The following FHIT variants were observed in gnomAD, a reference collection of about 807,000 sequenced individuals.
FHIT encodes bis(5'-adenosyl)-triphosphatase.
FHIT carries 19 observed loss-of-function variants against 17.9 expected under a neutral mutation model. The ratio of observed to expected loss-of-function variants is 1.06; its 90% CI spans 0.74 to 1.56. FHIT has a LOEUF of 1.56. FHIT is among the 40% of genes most tolerant of loss of function. FHIT has a pLI of 0.00. For synonymous variants in FHIT, 81 were observed against 69.7 expected (o/e 1.16, Z -0.81); for missense variants, 248 against 189.2 (o/e 1.31, Z -1.82).
intron 5 of FHIT, among the ~76,000 whole-genome samples, chr3:60,211,878 C>A (rs143041028): frequency 2.4e-3 from 369 of 152,196 alleles, no homozygotes; most frequent in Non-Finnish European, 4.2e-3. Context: ...GTCATGACAT[C>A]TTTTTAATGT....
chr3:60,605,490 A>C (rs940517861), intron 4 of FHIT, among the ~76,000 whole-genome samples: 1 of 152,178 alleles, frequency 6.6e-6, no homozygotes, highest in African/African-American at 2.4e-5. Context: ...CAGTTTCAGA[A>C]GGCACCAGTT....
At chr3:61,009,173 G>C (rs2031646063) in intron 3 of FHIT, among the ~76,000 whole-genome samples, 1 of 152,148 alleles carries the variant, frequency 6.6e-6, no homozygotes. Flanking sequence ...AGAAGCAATA[G>C]ACTGGGTCCC....
chr3:60,913,808 C>G (rs782208043), intron 3 of FHIT, among the ~76,000 whole-genome samples: 4 of 152,122 alleles, frequency 2.6e-5, no homozygotes, highest in African/African-American at 4.8e-5. Context: ...GGGCCTCTCT[C>G]CATGTCTTTG....
intron 3 of FHIT, among the ~76,000 whole-genome samples, chr3:60,889,328 C>T (rs190148355): frequency 8.5e-5 from 13 of 152,338 alleles, no homozygotes; most frequent in African/African-American, 2.2e-4. Flanking sequence ...TCCAAGTGTG[C>T]GCTCACCATT....
At chr3:60,356,524 C>A (rs184319876) in intron 5 of FHIT, among the ~76,000 whole-genome samples, 1 of 152,200 alleles carries the variant, frequency 6.6e-6, no homozygotes, top group Admixed American at 6.5e-5. Flanking sequence ...TGTCCTGCCA[C>A]TCCATTCTAA....
intron 4 of FHIT, among the ~76,000 whole-genome samples, chr3:60,787,678 G>A (rs1419561712): frequency 2.6e-5 from 4 of 152,162 alleles, no homozygotes; most frequent in Non-Finnish European, 4.4e-5. Flanking sequence ...TCAATAAAAT[G>A]CATTTGTAAC....
chr3:60,163,916 G>T (rs939100287), intron 5 of FHIT, among the ~76,000 whole-genome samples: 5 of 152,140 alleles, frequency 3.3e-5, no homozygotes, highest in Admixed American at 6.5e-5. Context: ...CCAGAGCACA[G>T]GATGTGCTTC....
At chr3:60,129,744 T>C (rs920202642) in intron 5 of FHIT, among the ~76,000 whole-genome samples, 1 of 152,232 alleles carries the variant, frequency 6.6e-6, no homozygotes, top group Non-Finnish European at 1.5e-5. Context: ...GTTAAGGAGA[T>C]ATAAAACCCT....
intron 3 of FHIT, among the ~76,000 whole-genome samples, chr3:60,862,420 G>A (rs542790660): frequency 6.6e-6 from 1 of 152,132 alleles, no homozygotes; most frequent in African/African-American, 2.4e-5. Flanking sequence ...CTCTTGCCTA[G>A]GCCTCCCAAA....
chr3:59,810,401 C>T (rs1391827966), intron 8 of FHIT, among the ~76,000 whole-genome samples: 2 of 152,172 alleles, frequency 1.3e-5, no homozygotes, highest in Non-Finnish European at 2.9e-5. Flanking sequence ...AAGGGCAGCT[C>T]CTCAGAGTGA....
At chr3:59,794,889 G>A (rs539649348) in intron 8 of FHIT, among the ~76,000 whole-genome samples, 7 of 152,254 alleles carry the variant, frequency 4.6e-5, no homozygotes, top group African/African-American at 1.4e-4. Context: ...TATAGACTCT[G>A]CAGTTAAACC....
chr3:60,553,635 C>T (rs2036645807), intron 4 of FHIT, among the ~76,000 whole-genome samples: 1 of 150,180 alleles, frequency 6.7e-6, no homozygotes, highest in Non-Finnish European at 1.5e-5. Context: ...TATGCTTCAA[C>T]CTGACCTTGA....
Position 60,044,581 on chromosome 3 carries a change from TGA to T in FHIT, c.104-30431_104-30430del, listed in dbSNP as rs1553662240. Among the ~76,000 whole-genome samples, 1,314 of 152,122 alleles carry T rather than the reference TGA, an allele frequency of 8.6e-3. 30 individuals are homozygous for T. The highest frequency in any genetic ancestry group is 0.072 in the South Asian group (344 of 4,802). ...GGAAGAGGAGGAGAAAGAACAACAA[TGA>T]TATCATGGTAAAGGCCTGTAGAAAT... On this transcript the variant is annotated intron_variant, in intron 5 of 9. Transcript: ENST00000492590.
intron 5 of FHIT, among the ~76,000 whole-genome samples, chr3:60,231,801 T>A (rs1293205161): frequency 6.6e-6 from 1 of 152,216 alleles, no homozygotes; most frequent in East Asian, 1.9e-4. Flanking sequence ...AGTTACATAC[T>A]AATCTAGGTA....
rs1421839771 is a variant in FHIT, at chr3:60,225,832, G to T, written c.104-211680C>A. 2.0e-5 allele frequency among the ~76,000 whole-genome samples: 3 copies of T among 152,128 alleles called. No individual in the cohort carries two copies. In the South Asian group the frequency reaches 6.2e-4, roughly 32 times the overall value. Reference sequence around the variant, plus strand: ...TTATTTGGGGCTGAGACAGAATACAGCATTCTCTCTCCACTTTTGCACTTC... The same window carrying T: ...TTATTTGGGGCTGAGACAGAATACATCATTCTCTCTCCACTTTTGCACTTC... On this transcript the variant is annotated intron_variant, in intron 5 of 9. Coordinates refer to ENST00000492590, the MANE Select transcript of FHIT (RefSeq NM_002012.4).
intron 5 of FHIT, among the ~76,000 whole-genome samples, chr3:60,367,051 T>C (rs1258455624): frequency 6.6e-6 from 1 of 152,232 alleles, no homozygotes; most frequent in Admixed American, 6.5e-5. Flanking sequence ...GAGAGGTTTT[T>C]GTGTTAGGCC....
intron 5 of FHIT, among the ~76,000 whole-genome samples, chr3:60,109,071 A>C (rs1295633210): frequency 4.6e-5 from 7 of 152,122 alleles, no homozygotes; most frequent in African/African-American, 1.7e-4. Flanking sequence ...GAGCTTCCTA[A>C]CTAAAAGAGC....
At chr3:60,624,148 T>A (rs1218721012) in intron 4 of FHIT, among the ~76,000 whole-genome samples, 1 of 152,044 alleles carries the variant, frequency 6.6e-6, no homozygotes, top group African/African-American at 2.4e-5. Context: ...GAAGAAATGG[T>A]AGAGCCAGTG....
rs1261609123 is a variant in FHIT, at chr3:59,867,862, A to G, written c.348+54484T>C. 2.6e-5 allele frequency among the ~76,000 whole-genome samples: 4 copies of G among 152,092 alleles called. No homozygotes were observed. The East Asian group carries it at 5.8e-4, about 22-fold the overall frequency. ...GTCATAAGATAAACCTATTGTGGTC[A>G]GAAGGCAGAGTACTCTAATAACCTT... On this transcript the variant is annotated intron_variant, in intron 8 of 9. Coordinates refer to ENST00000492590, the MANE Select transcript of FHIT (RefSeq NM_002012.4).
Sources: allele counts gnomAD v4.1 joint callset (sites outside exome capture counted in the v4.1 genomes callset), GRCh38; gene constraint gnomAD v4.1.1; transcripts MANE v1.5; gene names NCBI Gene and HGNC (gene_info 2026-07-23, HGNC 2026-07-21).